The following CANT1 variants were observed in gnomAD, a reference collection of about 807,000 sequenced individuals.
CANT1 encodes soluble calcium-activated nucleotidase 1.
A neutral mutation model predicts 30.0 loss-of-function variants in CANT1; 26 were observed. That is an observed-to-expected ratio of 0.87 (90% CI 0.64 to 1.20). The LOEUF (loss-of-function observed/expected upper bound fraction) is 1.20. Among genes scored for constraint, CANT1 ranks in the 50% most tolerant of loss-of-function variants. The pLI, the probability that CANT1 is intolerant of heterozygous loss-of-function variation, is 0.00. For missense variants in CANT1, 518 were observed against 563.0 expected, an observed-to-expected ratio of 0.92 and a Z score of 0.81; for synonymous variants, 246 against 251.8, an observed-to-expected ratio of 0.98 and a Z score of 0.22.
rs190281152 is a variant in CANT1, at chr17:79,002,132, T to C, written c.-146-4169A>G. 1.3e-5 allele frequency among the ~76,000 whole-genome samples: 2 copies of C among 152,300 alleles called. No homozygotes were observed. Among genetic ancestry groups the C allele is most frequent in the East Asian group, 3.9e-4 (2 of 5,184 alleles). ...TGGTCCAACACAAATTCGTAAACTT[T>C]CTTAAAACATGATGAGATGAGATTT... On this transcript the variant is annotated intron_variant, in intron 1 of 4. Transcript: ENST00000392446. The surrounding 1 kb of genome is among the most constrained non-coding windows in gnomAD (Gnocchi z 4.0).
Position 78,995,931 on chromosome 17 carries a change from C to T in CANT1, c.632-710G>A, listed in dbSNP as rs753642611. On this transcript the variant is annotated intron_variant, in intron 3 of 4. Coordinates refer to ENST00000392446, the MANE Select transcript of CANT1 (RefSeq NM_001159773.2). This position sits in a 1 kb window ranked among gnomAD's most constrained non-coding sequence, Gnocchi z 5.7. ...GAGGGACCTGCGGTCTCCTGGTCTG[C>T]TTGTGCGATGAGACATTCTCCATGC... Among the ~76,000 whole-genome samples, 5 of 152,092 alleles carry T rather than the reference C, an allele frequency of 3.3e-5. No individual in the cohort carries two copies. The highest frequency in any genetic ancestry group is 6.5e-5 in the Admixed American group (1 of 15,268).
intron 1 of CANT1, among the ~76,000 whole-genome samples, chr17:79,007,475 T>A (rs375389021): frequency 6.6e-6 from 1 of 152,120 alleles, no homozygotes; most frequent in East Asian, 1.9e-4. Context: ...AGATCTTCTG[T>A]TTTTGAAAGA....
intron 4 of CANT1, 89 bp downstream of exon 4, chr17:78,994,929 A>C: frequency 1.5e-6 from 2 of 1,367,960 alleles, no homozygotes; most frequent in Non-Finnish European, 2.0e-6. Context: ...AAAATAAAAA[A>C]CGGTTTTGGA....
Position 79,002,948 on chromosome 17 carries a change from G to A in CANT1, c.-146-4985C>T, listed in dbSNP as rs1344523709. ...ACACCGTGGCACACGCTCCCCACCC[G>A]GGAGGCTCATGTCCTCTGACCACAT... is the stretch of plus-strand genomic sequence containing the variant. On this transcript the variant is annotated intron_variant, in intron 1 of 4. Coordinates refer to ENST00000392446, the MANE Select transcript of CANT1 (RefSeq NM_001159773.2). The surrounding 1 kb of genome is among the most constrained non-coding windows in gnomAD (Gnocchi z 4.0). Among the ~76,000 whole-genome samples, 2 of 152,304 alleles carry A rather than the reference G, an allele frequency of 1.3e-5. No homozygotes were observed. The highest frequency in any genetic ancestry group is 2.9e-5 in the Non-Finnish European group (2 of 68,032).
chr17:79,001,710 A>T (rs1033147233), intron 1 of CANT1, among the ~76,000 whole-genome samples: 1 of 151,966 alleles, frequency 6.6e-6, no homozygotes, highest in Non-Finnish European at 1.5e-5. Context: ...TCCCTCCTCG[A>T]GGCAGGGGGG....
rs1380754320 is a variant in CANT1, at chr17:78,993,157, T to G, written c.*393A>C. 2.8e-6 allele frequency: 1 copy of G among 363,258 alleles called. No homozygotes were observed. The highest frequency in any genetic ancestry group is 5.1e-6 in the Non-Finnish European group (1 of 194,948). 22.5% of individuals were successfully genotyped at this position (363,258 alleles called of 1,614,324 possible). On this transcript the variant is annotated 3_prime_UTR_variant, in exon 5 of 5. Coordinates refer to ENST00000392446, the MANE Select transcript of CANT1 (RefSeq NM_001159773.2). The surrounding 1 kb of genome is among the most constrained non-coding windows in gnomAD (Gnocchi z 4.5). ...TGACCTGGGGTTCCCAGCAAACAGGTCCACCTCATGCTCACTGCGTTCTCA... is the reference window on the plus strand; with the variant it reads ...TGACCTGGGGTTCCCAGCAAACAGGGCCACCTCATGCTCACTGCGTTCTCA...
Position 78,993,742 on chromosome 17 carries a change from C to G in CANT1, c.1014G>C (p.Val338=). The change falls in exon 5 of 5, where the codon GTG becomes GTC. Residue 338 remains valine (V), a synonymous_variant. Coordinates refer to ENST00000392446, the MANE Select transcript of CANT1 (RefSeq NM_001159773.2). This position sits in a 1 kb window ranked among gnomAD's most constrained non-coding sequence, Gnocchi z 4.5. The stretch of plus-strand genomic sequence containing the variant: ...AGGACGAGAAGCCGTGAGTGGGGAC[C>G]ACCGCCCCGACGTGGCTCACAGCGA... The part of the protein sequence containing the change: ...GDIAVSHVGA[V]VPTHGFSSFK... 1 of 1,613,888 alleles carries G rather than the reference C, an allele frequency of 6.2e-7. No individual in the cohort carries two copies. Among genetic ancestry groups the G allele is most frequent in the Non-Finnish European group, 8.5e-7 (1 of 1,180,048 alleles).
chr17:79,009,244 T>C (rs2071660010), intron 1 of CANT1, among the ~76,000 whole-genome samples: 1 of 139,046 alleles, frequency 7.2e-6, no homozygotes, highest in African/African-American at 2.8e-5. Context: ...CCCAAACTAA[T>C]TAGAAGGGGG....
In CANT1 at chr17:78,992,567, A is replaced by T. The variant is rs2070875722; in HGVS notation, c.*983T>A. The T allele has an allele frequency of 2.5e-6, 1 of 408,084 alleles. No individual in the cohort carries two copies. Among genetic ancestry groups the T allele is most frequent in the East Asian group, 4.3e-5 (1 of 23,056 alleles). The allele number at this position is 408,084 out of a possible 1,614,324, so 25.3% of individuals were successfully genotyped here. ...TGGAAAGAAACCCCAGGGAAGAGAC[A>T]GGCCTCGTTCACAGACCCTAGGCAG... On this transcript the variant is annotated 3_prime_UTR_variant, in exon 5 of 5. Coordinates refer to ENST00000392446, the MANE Select transcript of CANT1 (RefSeq NM_001159773.2).
rs138754148 is a variant in CANT1, at chr17:78,995,118, C to T, written c.735G>A (p.Pro245=). The stretch of plus-strand genomic sequence containing the variant: ...TGTAGCCCACCACCTTCACCCACTC[C>T]GGGTTCTCGTTCACCACATCACCCG... ...TTTGDVVNEN[P]EWVKVVGYKG... is the part of the protein sequence containing the mutation. The change falls in exon 4 of 5, where the codon CCG becomes CCA. Residue 245 remains proline (P), a synonymous_variant. Transcript: ENST00000392446. The surrounding 1 kb of genome is among the most constrained non-coding windows in gnomAD (Gnocchi z 5.7). 2.0e-4 allele frequency: 320 copies of T among 1,613,468 alleles called. No homozygotes were observed. Among genetic ancestry groups the T allele is most frequent in the South Asian group, 3.1e-4 (28 of 90,864 alleles).
In CANT1 at chr17:78,995,249, CGCACCCAGCTCCCGCCGCACCCCT is replaced by C; in HGVS notation, c.632-52_632-29del. On this transcript the variant is annotated intron_variant, in intron 3 of 4. Transcript: ENST00000392446. The surrounding 1 kb of genome is among the most constrained non-coding windows in gnomAD (Gnocchi z 5.7). The stretch of plus-strand genomic sequence containing the variant: ...GGCCAAGCAGAGTGTCCTTAGGCCC[CGCACCCAGCTCCCGCCGCACCCCT>C]GCACCTGGCTCCCACCCGGCCCCGC... The C allele has an allele frequency of 4.4e-6, 7 of 1,606,004 alleles. No homozygotes were observed. The highest frequency in any genetic ancestry group is 5.9e-6 in the Non-Finnish European group (7 of 1,177,052).
At chr17:79,009,121 G>GGATGGTTCCCACACTAATCAGAGGGT (rs2071652676) in intron 1 of CANT1, among the ~76,000 whole-genome samples, 1 of 151,988 alleles carries the variant, frequency 6.6e-6, no homozygotes, top group African/African-American at 2.4e-5. Context: ...AATCAGAGGG[G>GGATGGTTCCCACACTAATCAGAGGGT]GATGGTCCCC....
In CANT1 at chr17:78,997,510, C is replaced by T. The variant is rs780437071; in HGVS notation, c.113G>A (p.Arg38His). The part of the protein sequence containing the change: ...LASMTKAADP[R>H]FRPRWKVILT... ...GATCACCTTCCAGCGGGGGCGGAAG[C>T]GGGGGTCCGCGGCCTTGGTCATGGA... Residue 38 changes from arginine to histidine, a missense_variant, in exon 3 of 5, where the codon CGC (arginine) becomes CAC (histidine). Coordinates refer to ENST00000392446, the MANE Select transcript of CANT1 (RefSeq NM_001159773.2). This position sits in a 1 kb window ranked among gnomAD's most constrained non-coding sequence, Gnocchi z 7.5. The T allele has an allele frequency of 3.8e-5, 59 of 1,569,104 alleles. No individual in the cohort carries two copies. The highest frequency in any genetic ancestry group is 4.3e-5 in the Non-Finnish European group (50 of 1,156,086).
In CANT1 at chr17:78,993,897, A is replaced by G. The variant is rs2070929775; in HGVS notation, c.859T>C (p.Cys287Arg). Reference sequence around the variant, plus strand: ...CAGCGCTGCAGCGTGTCACTCCAGCAGGCAGACTCATGGATGAGGTAGCCT... The same window carrying G: ...CAGCGCTGCAGCGTGTCACTCCAGCGGGCAGACTCATGGATGAGGTAGCCT... ...PPGYLIHESACWSDTLQRWFF... is the reference protein window; with the variant it reads ...PPGYLIHESARWSDTLQRWFF... The change falls in exon 5 of 5, where the codon TGC (cysteine) becomes CGC (arginine). Residue 287 changes from cysteine (C) to arginine (R), a missense_variant. Cys to Arg is a radical substitution (Grantham distance 180). This residue lies in a region of CANT1 where 221 missense variants were observed against 211.8 expected (regional missense o/e 1.04). Coordinates refer to ENST00000392446, the MANE Select transcript of CANT1 (RefSeq NM_001159773.2). This position sits in a 1 kb window ranked among gnomAD's most constrained non-coding sequence, Gnocchi z 4.5. 2 of 1,589,746 alleles carry G rather than the reference A, an allele frequency of 1.3e-6. No homozygotes were observed.
chr17:79,008,227 C>T lies in CANT1; in HGVS notation c.-147+1437G>A. The stretch of plus-strand genomic sequence containing the variant: ...GGAGGAGCACCTGGGAGGAGCCCCA[C>T]TGCCGTTCCACAGGCTCCAGCCAGA... On this transcript the variant is annotated intron_variant, in intron 1 of 4. Transcript: ENST00000392446. This position sits in a 1 kb window ranked among gnomAD's most constrained non-coding sequence, Gnocchi z 4.4. 6.6e-6 allele frequency: 1 copy of T among 152,550 alleles called. No homozygotes were observed. Among genetic ancestry groups the T allele is most frequent in the Non-Finnish European group, 1.5e-5 (1 of 68,214 alleles). 9.4% of individuals were successfully genotyped at this position (152,550 alleles called of 1,614,324 possible).
In CANT1 at chr17:78,997,226, A is replaced by G; in HGVS notation, c.397T>C (p.Tyr133His). The change falls in exon 3 of 5, where the codon TAC becomes CAC. Residue 133 changes from tyrosine to histidine, a missense_variant. Tyr to His is a moderately conservative substitution (Grantham distance 83). This residue lies in a region of CANT1 where 249 missense variants were observed against 268.8 expected (regional missense o/e 0.93). Coordinates refer to ENST00000392446, the MANE Select transcript of CANT1 (RefSeq NM_001159773.2). The surrounding 1 kb of genome is among the most constrained non-coding windows in gnomAD (Gnocchi z 7.5). Reference sequence around the variant, plus strand: ...TCCCCACTGTCTGACAGGGTCAGGTAGCCCTTTTTCAGGTAACTGAACCAG... The same window carrying G: ...TCCCCACTGTCTGACAGGGTCAGGTGGCCCTTTTTCAGGTAACTGAACCAG... ...NTWFSYLKKGYLTLSDSGDKV... is the reference protein window; with the variant it reads ...NTWFSYLKKGHLTLSDSGDKV... The G allele has an allele frequency of 1.9e-6, 3 of 1,614,226 alleles. No individual in the cohort carries two copies. The highest frequency in any genetic ancestry group is 2.5e-6 in the Non-Finnish European group (3 of 1,180,054).
rs149823456 is a variant in CANT1 at position 78,999,416 on chromosome 17, A to T, written c.-146-1453T>A. Reference sequence around the variant, plus strand: ...TCTAGTCCCAAGGCCTCAAAACCCCAGCCAGGCCCAAGAAGTCTCCACTGA... The same window carrying T: ...TCTAGTCCCAAGGCCTCAAAACCCCTGCCAGGCCCAAGAAGTCTCCACTGA... On this transcript the variant is annotated intron_variant, in intron 1 of 4. Coordinates refer to ENST00000392446, the MANE Select transcript of CANT1 (RefSeq NM_001159773.2). Among the ~76,000 whole-genome samples the T allele has an allele frequency of 1.3e-3, 192 of 152,268 alleles. 1 individual carries two copies. Among genetic ancestry groups the T allele is most frequent in the African/African-American group, 4.4e-3 (181 of 41,566 alleles).
At position 78,997,311 on chromosome 17, in the gene CANT1, C is replaced by T. The variant is rs773657859; in HGVS notation, c.312G>A (p.Arg104=). ...SPPQRTPAGI[R]YRIAVIADLD... ...GGTCTGCGATAACTGCGATTCGATA[C>T]CGAATCCCAGCCGGTGTCCTTTGTG... The change falls in exon 3 of 5, where the codon CGG becomes CGA. Residue 104 remains arginine (R), a synonymous_variant. Transcript: ENST00000392446. This position sits in a 1 kb window ranked among gnomAD's most constrained non-coding sequence, Gnocchi z 7.5. The T allele has an allele frequency of 1.4e-5, 23 of 1,614,044 alleles. No homozygotes were observed. The highest frequency in any genetic ancestry group is 8.5e-7 in the Non-Finnish European group (1 of 1,180,032).
rs1277590845 is a variant in CANT1, at chr17:79,008,742, C to T, written c.-147+922G>A. Among the ~76,000 whole-genome samples, 1 of 152,162 alleles carries T rather than the reference C, an allele frequency of 6.6e-6. No homozygotes were observed. Reference sequence around the variant, plus strand: ...AGGGAGAAGCAAAGGCACCAGGCAACATGGACTGGCAAGGAGGTACCAGTC... The same window carrying T: ...AGGGAGAAGCAAAGGCACCAGGCAATATGGACTGGCAAGGAGGTACCAGTC... On this transcript the variant is annotated intron_variant, in intron 1 of 4. Transcript: ENST00000392446. The surrounding 1 kb of genome is among the most constrained non-coding windows in gnomAD (Gnocchi z 4.4).
Sources: allele counts gnomAD v4.1 joint callset (sites outside exome capture counted in the v4.1 genomes callset), GRCh38; gene constraint gnomAD v4.1.1; regional missense constraint gnomAD v4.1.1; non-coding constraint Gnocchi (gnomAD v3.1); transcripts MANE v1.5; gene names NCBI Gene and HGNC (gene_info 2026-07-23, HGNC 2026-07-21).